Variants in ADAMTSL1 observed in about 807,000 individuals in gnomAD.
ADAMTSL1 encodes the protein ADAMTS like 1, also known as ADAMTS-like protein 1.
A neutral mutation model predicts 201.8 loss-of-function variants in ADAMTSL1; 126 were observed. The observed-to-expected ratio is 0.62, with a 90% CI of 0.54 to 0.72. The LOEUF (loss-of-function observed/expected upper bound fraction) is 0.72, where lower values mean the gene tolerates loss of function less well. ADAMTSL1 is among the 30% of genes least tolerant of loss of function. ADAMTSL1 has a pLI of 0.00. For missense variants in ADAMTSL1, 2,679 were observed against 2,277.8 expected (o/e 1.18, Z -3.59); for synonymous variants, 1,121 against 903.4 (o/e 1.24, Z -4.32).
At chr9:18,665,041 G>A (rs752555639) in intron 9 of ADAMTSL1, among the ~76,000 whole-genome samples, 5 of 151,976 alleles carry the variant, frequency 3.3e-5, no homozygotes, top group Non-Finnish European at 7.4e-5. Context: ...TACTACCGAA[G>A]TAAATGCTTT....
At chr9:18,452,363 A>G (rs1202220741) in intron 2 of ADAMTSL1, among the ~76,000 whole-genome samples, 1 of 152,236 alleles carries the variant, frequency 6.6e-6, no homozygotes, top group Non-Finnish European at 1.5e-5. Flanking sequence ...CTGACTTTCC[A>G]AAACATGAAC....
intron 2 of ADAMTSL1, among the ~76,000 whole-genome samples, chr9:18,227,166 C>G (rs565355274): frequency 6.6e-6 from 1 of 152,242 alleles, no homozygotes; most frequent in African/African-American, 2.4e-5. Flanking sequence ...TTACTTTTCC[C>G]TCAATTCTCC....
At chr9:18,765,768 C>T (rs774399720) in intron 16 of ADAMTSL1, among the ~76,000 whole-genome samples, 14 of 152,166 alleles carry the variant, frequency 9.2e-5, no homozygotes, top group Non-Finnish European at 1.8e-4. Flanking sequence ...GAAGCAAAAT[C>T]TCTTCCTTCA....
chr9:18,359,837 C>CCCCCCCCA (rs557711954), intron 2 of ADAMTSL1, among the ~76,000 whole-genome samples: 1 of 122,634 alleles, frequency 8.2e-6, no homozygotes, highest in African/African-American at 2.8e-5. Flanking sequence ...GCCCCCCCGC[C>CCCCCCCCA]CACACAAAAT....
intron 21 of ADAMTSL1, among the ~76,000 whole-genome samples, chr9:18,824,943 G>A (rs1264018736): frequency 1.3e-5 from 2 of 152,030 alleles, no homozygotes; most frequent in Non-Finnish European, 2.9e-5. Flanking sequence ...TGATCTGTCT[G>A]CCTCGGCCTC....
chr9:18,295,515 T>C (rs1833443179), intron 2 of ADAMTSL1, among the ~76,000 whole-genome samples: 2 of 152,090 alleles, frequency 1.3e-5, no homozygotes, highest in African/African-American at 4.8e-5. Context: ...ATTTTTTGTA[T>C]TTTTAGTAGA....
In ADAMTSL1 at chr9:18,504,861, G is replaced by A. The variant is rs370752330; in HGVS notation, c.96G>A (p.Arg32=). The change falls in exon 2 of 29, where the codon CGG becomes CGA. Residue 32 remains arginine, a synonymous_variant. Coordinates refer to ENST00000380548, the MANE Select transcript of ADAMTSL1 (RefSeq NM_001040272.6). The part of the protein sequence containing the change: ...SSRTARSEED[R]DGLWDAWGPW... ...GGACCGCACGCTCCGAGGAGGACCG[G>A]GACGGCCTATGGGATGCCTGGGGCC... 8.7e-6 allele frequency: 14 copies of A among 1,613,958 alleles called. No individual in the cohort carries two copies. The highest frequency in any genetic ancestry group is 1.2e-5 in the Non-Finnish European group (14 of 1,180,004).
intron 2 of ADAMTSL1, among the ~76,000 whole-genome samples, chr9:18,506,543 A>G (rs1226075878): frequency 6.6e-6 from 1 of 152,164 alleles, no homozygotes; most frequent in Non-Finnish European, 1.5e-5. Context: ...CATTAAAATC[A>G]CAAAATTCTG....
intron 2 of ADAMTSL1, among the ~76,000 whole-genome samples, chr9:18,386,683 A>G (rs904294560): frequency 2.4e-4 from 37 of 152,214 alleles, no homozygotes; most frequent in Admixed American, 1.3e-4. Context: ...TCACTTTGTG[A>G]CATTTTAATT....
At chr9:18,264,074 C>T (rs1033832214) in intron 2 of ADAMTSL1, among the ~76,000 whole-genome samples, 8 of 152,156 alleles carry the variant, frequency 5.3e-5, no homozygotes, top group African/African-American at 1.9e-4. Flanking sequence ...CTACCTCCTA[C>T]ATTCTGTTGT....
chr9:18,651,152 T>C (rs907283129), intron 7 of ADAMTSL1: 1 of 152,194 alleles, frequency 6.6e-6, no homozygotes, highest in African/African-American at 2.4e-5. Flanking sequence ...TAAATGGCTA[T>C]GAGAGCAGAC....
At chr9:18,003,273 C>T (rs558519581) in intron 1 of ADAMTSL1, among the ~76,000 whole-genome samples, 2 of 148,540 alleles carry the variant, frequency 1.3e-5, no homozygotes, top group South Asian at 2.1e-4. Context: ...GTCTACATGT[C>T]CATGAAGCAG....
At chr9:18,707,668 A>C (rs1832307674) in intron 14 of ADAMTSL1, among the ~76,000 whole-genome samples, 1 of 152,234 alleles carries the variant, frequency 6.6e-6, no homozygotes, top group Non-Finnish European at 1.5e-5. Context: ...GACTAGAACA[A>C]AGCTTTCCTT....
intron 2 of ADAMTSL1, among the ~76,000 whole-genome samples, chr9:18,229,526 T>A (rs868199183): frequency 6.6e-6 from 1 of 151,694 alleles, no homozygotes; most frequent in African/African-American, 2.4e-5. Flanking sequence ...TAAAGAAGAG[T>A]CTGTCAGAGG....
At chr9:18,871,193 C>A (rs74970545) in intron 23 of ADAMTSL1, among the ~76,000 whole-genome samples, 1 of 152,086 alleles carries the variant, frequency 6.6e-6, no homozygotes, top group African/African-American at 2.4e-5. Flanking sequence ...TCTATATTAC[C>A]AGAGGTGGGG....
intron 2 of ADAMTSL1, among the ~76,000 whole-genome samples, chr9:18,322,475 G>A (rs4524897): frequency 0.54 from 82,319 of 151,776 alleles, 23,081 homozygotes; most frequent in African/African-American, 0.67. Flanking sequence ...TCTACTAAAA[G>A]TACAAAAATT....
upstream of ADAMTSL1, among the ~76,000 whole-genome samples, chr9:18,471,160 G>A (rs931662927): frequency 2.6e-5 from 4 of 152,140 alleles, no homozygotes; most frequent in Admixed American, 6.5e-5. Flanking sequence ...ACTTTCCATC[G>A]TCAGGTAACA....
intron 17 of ADAMTSL1, among the ~76,000 whole-genome samples, chr9:18,775,402 A>AT (rs754376988): frequency 7.2e-5 from 11 of 152,268 alleles, no homozygotes; most frequent in Non-Finnish European, 1.3e-4. Context: ...CAAACTAAGC[A>AT]TAAGTGGAAA....
chr9:18,812,714 T>C (rs1461144213), intron 20 of ADAMTSL1, among the ~76,000 whole-genome samples: 1 of 152,162 alleles, frequency 6.6e-6, no homozygotes, highest in Admixed American at 6.5e-5. Context: ...TTAATTTTTA[T>C]GTAGTAAGAA....
Sources: gnomAD v4.1 joint callset for allele counts (sites outside exome capture counted in the v4.1 genomes callset) on GRCh38, gnomAD v4.1.1 for gene constraint, MANE v1.5 for transcripts, NCBI Gene and HGNC (gene_info 2026-07-23, HGNC 2026-07-21) for gene names.